BABAM2: variants seen among roughly 807,000 people sequenced by gnomAD.
The protein encoded by BABAM2 is BRISC and BRCA1-A complex member 2.
A neutral mutation model predicts 54.7 loss-of-function variants in BABAM2; 31 were observed. That is an observed-to-expected ratio of 0.57 (90% CI 0.43 to 0.77). BABAM2 has a LOEUF of 0.77. Ranked by LOEUF, BABAM2 falls within the 30% of genes least tolerant of loss-of-function variation. The probability of loss-of-function intolerance (pLI) is 0.00; values close to 1 mark genes in which losing one functional copy is unlikely to be tolerated. For synonymous variants in BABAM2, 167 were observed against 162.9 expected (o/e 1.03, Z -0.19); for missense variants, 364 against 455.8 (o/e 0.80, Z 1.83).
chr2:28,039,628 A>G (rs1238634167), intron 5 of BABAM2, among the ~76,000 whole-genome samples: 1 of 152,216 alleles, frequency 6.6e-6, no homozygotes, highest in Non-Finnish European at 1.5e-5. Flanking sequence ...CTAAGAAAGG[A>G]AGTAAAATTT....
intron 7 of BABAM2, among the ~76,000 whole-genome samples, chr2:28,172,217 G>A (rs774939727): frequency 6.6e-6 from 1 of 151,990 alleles, no homozygotes; most frequent in Non-Finnish European, 1.5e-5. Context: ...TTAGGACTTC[G>A]AAGAACATCA....
chr2:27,904,439 C>T (rs533670065), intron 2 of BABAM2, among the ~76,000 whole-genome samples: 18 of 152,296 alleles, frequency 1.2e-4, no homozygotes, highest in Admixed American at 1.2e-3. Flanking sequence ...TCCAGATAAT[C>T]AATCTGGCAG....
At chr2:28,277,007 AC>A (rs1456369944) in intron 10 of BABAM2, among the ~76,000 whole-genome samples, 1 of 151,758 alleles carries the variant, frequency 6.6e-6, no homozygotes, top group African/African-American at 2.4e-5. Context: ...TGGCCTAGTG[AC>A]CCTCCCCGTG....
chr2:28,040,643 C>T (rs1558679793), intron 5 of BABAM2, among the ~76,000 whole-genome samples: 1 of 152,186 alleles, frequency 6.6e-6, no homozygotes, highest in African/African-American at 2.4e-5. Context: ...ATTTCCAGTG[C>T]TGTCAGAAAC....
intron 6 of BABAM2, among the ~76,000 whole-genome samples, chr2:28,123,313 G>T (rs893835033): frequency 7.2e-5 from 11 of 152,132 alleles, no homozygotes; most frequent in African/African-American, 2.7e-4. Context: ...TATCATGGCC[G>T]TTATTGCTTT....
At chr2:28,301,010 A>G (rs1229188853) in intron 11 of BABAM2, among the ~76,000 whole-genome samples, 1 of 152,250 alleles carries the variant, frequency 6.6e-6, no homozygotes, top group African/African-American at 2.4e-5. Context: ...CCGTGAAAGA[A>G]CTGTCCTGCA....
intron 5 of BABAM2, among the ~76,000 whole-genome samples, chr2:28,041,864 GA>G (rs1677127608): frequency 6.6e-6 from 1 of 152,094 alleles, no homozygotes; most frequent in Non-Finnish European, 1.5e-5. Flanking sequence ...ATTGTCATGA[GA>G]ATAAACTGCA....
chr2:27,993,704 G>C (rs751706556), intron 4 of BABAM2, among the ~76,000 whole-genome samples: 17 of 152,186 alleles, frequency 1.1e-4, no homozygotes, highest in South Asian at 2.1e-4. Context: ...GTAATTTAGT[G>C]TTTGGGACAA....
intron 7 of BABAM2, among the ~76,000 whole-genome samples, chr2:28,210,811 A>C (rs1200986853): frequency 6.6e-6 from 1 of 152,232 alleles, no homozygotes; most frequent in Non-Finnish European, 1.5e-5. Context: ...CCAAAAGAAT[A>C]GTGGGTAAGA....
rs748423191 is a variant in BABAM2 at position 27,904,588 on chromosome 2, C to T, written c.128+9904C>T. On this transcript the variant is annotated intron_variant, in intron 2 of 11. Transcript: ENST00000379624. ...ACAGAAATGCACAGCCAGGAATCAT[C>T]AGTCTGAGGAAAGCCATCAACATGA... is the stretch of plus-strand genomic sequence containing the variant. Among the ~76,000 whole-genome samples the T allele has an allele frequency of 2.6e-5, 4 of 152,236 alleles. No individual in the cohort carries two copies. In the South Asian group the frequency reaches 6.2e-4, roughly 24 times the overall value.
rs1337366726 is a variant in BABAM2 at position 27,890,749 on chromosome 2, C to T, written c.-118C>T. ...CCGGGGAGTGCGCACGCATCCTGCCCGCGGCGCGCGCGCAGGTCGGTGCGT... is the reference window on the plus strand; with the variant it reads ...CCGGGGAGTGCGCACGCATCCTGCCTGCGGCGCGCGCGCAGGTCGGTGCGT... On this transcript the variant is annotated 5_prime_UTR_variant, in exon 1 of 12. Transcript: ENST00000379624. The surrounding 1 kb of genome is among the most constrained non-coding windows in gnomAD (Gnocchi z 4.8). The T allele has an allele frequency of 6.5e-6, 1 of 153,000 alleles. No individual in the cohort carries two copies. The highest frequency in any genetic ancestry group is 2.4e-5 in the African/African-American group (1 of 41,358). The allele number at this position is 153,000 out of a possible 1,614,324, so 9.5% of individuals were successfully genotyped here.
chr2:28,023,126 T>C (rs1427860676), intron 4 of BABAM2, among the ~76,000 whole-genome samples: 2 of 152,230 alleles, frequency 1.3e-5, no homozygotes, highest in African/African-American at 4.8e-5. Flanking sequence ...GACTGGTTGG[T>C]ATGTCTTTAA....
At chr2:28,016,376 C>A in intron 4 of BABAM2, 1 of 1,369,290 alleles carries the variant, frequency 7.3e-7, no homozygotes, top group Non-Finnish European at 1.0e-6. Context: ...AGGCCTTGAT[C>A]GATTCAGATA....
intron 10 of BABAM2, among the ~76,000 whole-genome samples, chr2:28,289,985 T>C (rs1357738079): frequency 3.3e-5 from 5 of 152,166 alleles, no homozygotes; most frequent in African/African-American, 1.2e-4. Flanking sequence ...TAATTTGGTG[T>C]ATATCTTTCC....
chr2:28,165,403 G>A (rs529947985), intron 7 of BABAM2, among the ~76,000 whole-genome samples: 1 of 151,626 alleles, frequency 6.6e-6, no homozygotes, highest in South Asian at 2.1e-4. Context: ...AAGAGGTGAA[G>A]CTGGAAAACT....
chr2:28,329,748 G>A lies in BABAM2; in HGVS notation c.1089-8702G>A, dbSNP rs1339006649. Among the ~76,000 whole-genome samples the A allele has an allele frequency of 6.6e-6, 1 of 152,178 alleles. No individual in the cohort carries two copies. The highest frequency in any genetic ancestry group is 2.1e-4 in the South Asian group (1 of 4,834). On this transcript the variant is annotated intron_variant, in intron 11 of 11. Coordinates refer to ENST00000379624, the MANE Select transcript of BABAM2 (RefSeq NM_199191.3). The surrounding 1 kb of genome is among the most constrained non-coding windows in gnomAD (Gnocchi z 4.2). ...ATGAATTTACAGCTGAATTCTACCA[G>A]AGGTACAAAGAGGATCTGGTACCGT...
chr2:28,147,570 T>C (rs1359875839), intron 7 of BABAM2, among the ~76,000 whole-genome samples: 1 of 151,706 alleles, frequency 6.6e-6, no homozygotes, highest in African/African-American at 2.4e-5. Context: ...GCCTCCCAGG[T>C]TCATGCCATT....
chr2:28,015,336 T>G (rs765956066), intron 4 of BABAM2, among the ~76,000 whole-genome samples: 4 of 152,226 alleles, frequency 2.6e-5, no homozygotes. Context: ...AGAGTAAGGG[T>G]TTTGAAATAT....
chr2:28,079,337 A>G (rs1664961777), intron 6 of BABAM2, among the ~76,000 whole-genome samples: 1 of 152,146 alleles, frequency 6.6e-6, no homozygotes, highest in Non-Finnish European at 1.5e-5. Context: ...TGATTAGACT[A>G]TTTCATCTAA....
Sources: allele counts gnomAD v4.1 joint callset (sites outside exome capture counted in the v4.1 genomes callset), GRCh38; gene constraint gnomAD v4.1.1; non-coding constraint Gnocchi (gnomAD v3.1); transcripts MANE v1.5; gene names NCBI Gene and HGNC (gene_info 2026-07-23, HGNC 2026-07-21).